Variants in SIRT2 observed in about 807,000 individuals in gnomAD.
SIRT2 encodes sirtuin 2.
SIRT2 carries 40 observed loss-of-function variants against 57.4 expected under a neutral mutation model. That is an observed-to-expected ratio of 0.70 (90% confidence interval 0.54 to 0.91). SIRT2 has a LOEUF of 0.91. SIRT2 is among the 40% of genes least tolerant of loss of function. The probability of loss-of-function intolerance (pLI) is 0.00; values close to 1 mark genes in which losing one functional copy is unlikely to be tolerated. For missense variants in SIRT2, 439 were observed against 510.4 expected, an observed-to-expected ratio of 0.86 and a Z score of 1.35; for synonymous variants, 161 against 195.7, an observed-to-expected ratio of 0.82 and a Z score of 1.48.
intron 9 of SIRT2, among the ~76,000 whole-genome samples, chr19:38,882,851 G>A (rs1433558444): frequency 6.6e-6 from 1 of 151,990 alleles, no homozygotes; most frequent in Non-Finnish European, 1.5e-5. Context: ...CACATAATGG[G>A]GGTAATGTGA....
rs751528785 is a variant in SIRT2, at chr19:38,899,595, G to A, written c.-74C>T. 5 of 1,594,630 alleles carry A rather than the reference G, an allele frequency of 3.1e-6. No homozygotes were observed. Among genetic ancestry groups the A allele is most frequent in the Non-Finnish European group, 4.3e-6 (5 of 1,163,032 alleles). The stretch of plus-strand genomic sequence containing the variant: ...TCACCAACCACTGTGTCCCGTCACC[G>A]ACTGCTCTGTCCTGTCACCGACTGC... On this transcript the variant is annotated 5_prime_UTR_variant, in exon 1 of 16. Coordinates refer to ENST00000249396, the MANE Select transcript of SIRT2 (RefSeq NM_012237.4).
intron 8 of SIRT2, among the ~76,000 whole-genome samples, chr19:38,885,428 CTT>C (rs746141768): frequency 2.9e-5 from 4 of 137,718 alleles, no homozygotes; most frequent in Admixed American, 7.3e-5. Context: ...CTTTTCTTTT[CTT>C]TTTTTTTTTT....
At chr19:38,882,505 C>T (rs116608980) in intron 9 of SIRT2, among the ~76,000 whole-genome samples, 3,272 of 152,044 alleles carry the variant, frequency 0.022, 114 homozygotes, top group African/African-American at 0.076. Flanking sequence ...GGTTGTAGCA[C>T]GTGCCTGTAA....
intron 8 of SIRT2, 152 bp downstream of exon 8, chr19:38,888,935 T>G (rs1600117775): frequency 1.1e-5 from 7 of 658,936 alleles, no homozygotes. Context: ...TCACGGCAGG[T>G]CATGCAGCAA....
intron 7 of SIRT2, 126 bp from the exon 8 acceptor site, chr19:38,889,281 TC>T (rs1370171054): frequency 3.6e-6 from 3 of 827,576 alleles, no homozygotes; most frequent in Non-Finnish European, 6.2e-6. Flanking sequence ...AGCAGCCGCG[TC>T]GGGGAGAGAC....
intron 7 of SIRT2, 191 bp from the exon 8 acceptor site, chr19:38,889,346 G>A (rs1419794523): frequency 1.4e-6 from 1 of 722,500 alleles, no homozygotes; most frequent in Non-Finnish European, 2.6e-6. Flanking sequence ...GAAGGGGATT[G>A]TGTTGCCAAA....
chr19:38,889,223 G>A, intron 7 of SIRT2, 68 bp from the exon 8 acceptor site: 2 of 1,433,088 alleles, frequency 1.4e-6, no homozygotes, highest in Non-Finnish European at 2.0e-6. Context: ...CCGCATGCCA[G>A]GAACTGTTCT....
chr19:38,894,388 G>C (rs1973650427), intron 2 of SIRT2: 1 of 201,798 alleles, frequency 5.0e-6, no homozygotes, highest in African/African-American at 2.4e-5. Context: ...GGGATTACAG[G>C]CGTGAGCCAC....
intron 15 of SIRT2, 49 bp downstream of exon 15, chr19:38,879,385 G>A (rs1458959141): frequency 3.8e-6 from 6 of 1,597,592 alleles, no homozygotes; most frequent in Non-Finnish European, 5.1e-6. Flanking sequence ...GGTGGGGAGA[G>A]GGTCCAGGGA....
chr19:38,886,925 G>C (rs1973360428), intron 8 of SIRT2, among the ~76,000 whole-genome samples: 1 of 151,428 alleles, frequency 6.6e-6, no homozygotes, highest in African/African-American at 2.4e-5. Context: ...ATAATAGTTT[G>C]TATGTGATGT....
rs1269084083 is a variant in SIRT2, at chr19:38,899,499, G to A, written c.16+7C>T. 2 of 1,613,252 alleles carry A rather than the reference G, an allele frequency of 1.2e-6. No individual in the cohort carries two copies. Among genetic ancestry groups the A allele is most frequent in the African/African-American group, 1.3e-5 (1 of 74,916 alleles). On this transcript the variant is annotated splice_region_variant and intron_variant, in intron 1 of 15. Transcript: ENST00000249396. ...GCCCGACCCTCCTACCCGGATCCCCGACTCACGGTCTGGCTCTGCCATGGG... is the reference window on the plus strand; with the variant it reads ...GCCCGACCCTCCTACCCGGATCCCCAACTCACGGTCTGGCTCTGCCATGGG...
chr19:38,889,316 T>TG, intron 7 of SIRT2, 161 bp from the exon 8 acceptor site: 1 of 732,048 alleles, frequency 1.4e-6, no homozygotes, highest in East Asian at 2.7e-5. Flanking sequence ...AGATCACAGA[T>TG]GAGGAAACTG....
intron 9 of SIRT2, among the ~76,000 whole-genome samples, chr19:38,883,371 G>C (rs966528283): frequency 1.3e-5 from 2 of 151,996 alleles, no homozygotes; most frequent in Non-Finnish European, 2.9e-5. Context: ...TTACAGGTGT[G>C]AGCCACTGCT....
At chr19:38,893,679 C>A in intron 3 of SIRT2, 140 bp downstream of exon 3, 1 of 1,252,024 alleles carries the variant, frequency 8.0e-7, no homozygotes, top group South Asian at 1.3e-5. Context: ...GGAGCCTGCT[C>A]TGGCACTGGT....
At chr19:38,895,682 A>G (rs952672227) in intron 2 of SIRT2, among the ~76,000 whole-genome samples, 1 of 152,206 alleles carries the variant, frequency 6.6e-6, no homozygotes, top group Non-Finnish European at 1.5e-5. Context: ...CATGCCTGTA[A>G]TCCCACCACT....
At chr19:38,881,226 G>A in intron 10 of SIRT2, 71 bp from the exon 11 acceptor site, 2 of 1,485,934 alleles carry the variant, frequency 1.3e-6, no homozygotes, top group East Asian at 2.3e-5. Context: ...GGGAGCAATG[G>A]CAGACCCGGA....
intron 3 of SIRT2, 123 bp from the exon 4 acceptor site, chr19:38,893,650 G>C: frequency 8.5e-7 from 1 of 1,173,606 alleles, no homozygotes; most frequent in South Asian, 1.4e-5. Flanking sequence ...ACAAGGCCCG[G>C]CCCAGCCAGC....
intron 8 of SIRT2, among the ~76,000 whole-genome samples, chr19:38,884,093 G>A (rs186703265): frequency 5.5e-5 from 7 of 126,438 alleles, no homozygotes; most frequent in African/African-American, 2.2e-4. Context: ...CAAGACGCTT[G>A]TCTCTACAAA....
rs200920657 is a variant in SIRT2, at chr19:38,878,826, C to G, written c.*329G>C. The G allele has an allele frequency of 4.0e-6, 1 of 248,094 alleles. No homozygotes were observed. The highest frequency in any genetic ancestry group is 7.6e-6 in the Non-Finnish European group (1 of 131,106). 15.4% of individuals were successfully genotyped at this position (248,094 alleles called of 1,614,324 possible). A position where few individuals can be genotyped will look rare whatever the true frequency, so the allele number is the denominator to read the frequency against. On this transcript the variant is annotated 3_prime_UTR_variant, in exon 16 of 16. Transcript: ENST00000249396. ...AGACAGAGTGGGGGCCCGAAGCTCCCTGTCCTGGAAGAGTTAAAAGTTCTG... is the reference window on the plus strand; with the variant it reads ...AGACAGAGTGGGGGCCCGAAGCTCCGTGTCCTGGAAGAGTTAAAAGTTCTG...
Sources: gnomAD v4.1 joint callset for allele counts (sites outside exome capture counted in the v4.1 genomes callset) on GRCh38, gnomAD v4.1.1 for gene constraint, MANE v1.5 for transcripts, NCBI Gene and HGNC (gene_info 2026-07-23, HGNC 2026-07-21) for gene names.